The following SLC44A5 variants were observed in gnomAD, a reference collection of about 807,000 sequenced individuals.
SLC44A5 encodes the protein solute carrier family 44 member 5.
In SLC44A5, 57 loss-of-function variants were observed where a neutral mutation model predicts 101.8. The ratio of observed to expected loss-of-function variants is 0.56; its 90% CI spans 0.45 to 0.70. The LOEUF is 0.70. Ranked by LOEUF, SLC44A5 falls within the 30% of genes least tolerant of loss-of-function variation. SLC44A5 has a pLI of 0.00. For synonymous variants in SLC44A5, 281 were observed against 290.9 expected (o/e 0.97, Z 0.35); for missense variants, 737 against 853.1 (o/e 0.86, Z 1.70).
intron 2 of SLC44A5, among the ~76,000 whole-genome samples, chr1:75,530,771 C>T (rs183426467): frequency 9.9e-5 from 15 of 152,218 alleles, no homozygotes; most frequent in African/African-American, 3.1e-4. Context: ...CCAAAACCAG[C>T]AACTAATTCT....
chr1:75,347,461 T>C (rs17096785), intron 3 of SLC44A5, among the ~76,000 whole-genome samples: 5,173 of 152,256 alleles, frequency 0.034, 276 homozygotes, highest in African/African-American at 0.11. Context: ...CTGTATCACA[T>C]GGATGCTTCT....
the SLC44A5 span, among the ~76,000 whole-genome samples, chr1:75,656,618 A>G: frequency 2.6e-5 from 4 of 152,160 alleles, no homozygotes; most frequent in Non-Finnish European, 5.9e-5. Flanking sequence ...TCTAATAACT[A>G]TAAGATTTTT....
intron 2 of SLC44A5, among the ~76,000 whole-genome samples, chr1:75,460,163 G>A (rs1557807309): frequency 6.6e-6 from 1 of 152,160 alleles, no homozygotes. Context: ...GAGCTCTGCT[G>A]TAGGAGCTCT....
intron 5 of SLC44A5, among the ~76,000 whole-genome samples, chr1:75,279,054 C>G (rs1570551787): frequency 1.3e-5 from 2 of 151,990 alleles, no homozygotes; most frequent in East Asian, 3.9e-4. Flanking sequence ...GTGTTGGGAA[C>G]ACTACAATTC....
chr1:75,306,541 C>T (rs1167853160), intron 4 of SLC44A5, among the ~76,000 whole-genome samples: 1 of 151,442 alleles, frequency 6.6e-6, no homozygotes, highest in Non-Finnish European at 1.5e-5. Context: ...TAAAATAAAT[C>T]ACTAAAAAAC....
intron 2 of SLC44A5, among the ~76,000 whole-genome samples, chr1:75,475,969 G>A (rs895397507): frequency 6.6e-6 from 1 of 152,200 alleles, no homozygotes; most frequent in African/African-American, 2.4e-5. Context: ...CGGATCATGA[G>A]GTCAGGAGTT....
At chr1:75,669,144 T>G in the SLC44A5 span, among the ~76,000 whole-genome samples, 1 of 151,680 alleles carries the variant, frequency 6.6e-6, no homozygotes, top group Admixed American at 6.6e-5. Context: ...TTTTTTCTTT[T>G]CTTTGTACCC....
At chr1:75,217,784 T>C in intron 18 of SLC44A5, 82 bp downstream of exon 18, 1 of 884,530 alleles carries the variant, frequency 1.1e-6, no homozygotes, top group South Asian at 1.4e-5. Flanking sequence ...ACTACCCTAG[T>C]CCAAGTTATA....
At chr1:75,452,631 T>C (rs887941723) in intron 2 of SLC44A5, among the ~76,000 whole-genome samples, 1 of 152,134 alleles carries the variant, frequency 6.6e-6, no homozygotes, top group Non-Finnish European at 1.5e-5. Context: ...ACCAGACACA[T>C]CTGTCTATTA....
chr1:75,214,743 C>G lies in SLC44A5; in HGVS notation c.1729-65G>C, dbSNP rs934917562. On this transcript the variant is annotated intron_variant, in intron 19 of 23. Coordinates refer to ENST00000370859, the MANE Select transcript of SLC44A5 (RefSeq NM_001130058.2). ...TACTCTAACAAGATCAAAAGACAAT[C>G]CAATGACAGGAAGGTAACCAAATTA... 2.2e-6 allele frequency: 3 copies of G among 1,337,918 alleles called. No individual in the cohort carries two copies. The African/African-American group carries it at 4.4e-5, about 19-fold the overall frequency. 82.9% of individuals were successfully genotyped at this position (1,337,918 alleles called of 1,614,324 possible).
At chr1:75,366,245 T>C (rs1659848715) in intron 3 of SLC44A5, among the ~76,000 whole-genome samples, 1 of 152,210 alleles carries the variant, frequency 6.6e-6, no homozygotes, top group Non-Finnish European at 1.5e-5. Flanking sequence ...CCTCAGCTTT[T>C]GTTTGTTTGA....
chr1:75,677,553 G>A, the SLC44A5 span, among the ~76,000 whole-genome samples: 1 of 151,970 alleles, frequency 6.6e-6, no homozygotes, highest in Admixed American at 6.6e-5. Flanking sequence ...AAGGAAGACA[G>A]AAAGGAAAGG....
intron 3 of SLC44A5, among the ~76,000 whole-genome samples, chr1:75,385,304 C>T (rs1474186249): frequency 1.4e-5 from 2 of 147,668 alleles, no homozygotes; most frequent in Non-Finnish European, 3.0e-5. Context: ...AATTGATAGA[C>T]CGCTAGCAAG....
At chr1:75,463,004 C>T (rs1048658466) in intron 2 of SLC44A5, among the ~76,000 whole-genome samples, 1 of 152,054 alleles carries the variant, frequency 6.6e-6, no homozygotes, top group African/African-American at 2.4e-5. Context: ...GAGAACTTCC[C>T]AAACCTGGAG....
intron 15 of SLC44A5, among the ~76,000 whole-genome samples, 174 bp from the exon 16 acceptor site, chr1:75,219,518 A>G (rs1252012331): frequency 6.6e-6 from 1 of 152,162 alleles, no homozygotes; most frequent in Non-Finnish European, 1.5e-5. Context: ...GGCCAGCTGC[A>G]CTGAGTGGCC....
At chr1:75,311,407 G>T (rs544860270) in intron 4 of SLC44A5, among the ~76,000 whole-genome samples, 1 of 152,244 alleles carries the variant, frequency 6.6e-6, no homozygotes, top group South Asian at 2.1e-4. Context: ...GTGAGCCACC[G>T]CATCCAGCCC....
intron 6 of SLC44A5, among the ~76,000 whole-genome samples, chr1:75,267,081 A>C (rs1231218565): frequency 6.6e-6 from 1 of 152,170 alleles, no homozygotes; most frequent in Non-Finnish European, 1.5e-5. Flanking sequence ...TGAAGAAGAA[A>C]TCTGTGCCTT....
intron 7 of SLC44A5, among the ~76,000 whole-genome samples, chr1:75,245,384 A>T (rs1265393103): frequency 2.0e-5 from 3 of 152,144 alleles, no homozygotes; most frequent in Non-Finnish European, 4.4e-5. Flanking sequence ...GAAGGTTAAG[A>T]TGATTATCAA....
intron 5 of SLC44A5, among the ~76,000 whole-genome samples, chr1:75,276,384 G>A (rs1243308821): frequency 3.3e-5 from 5 of 152,158 alleles, no homozygotes; most frequent in Non-Finnish European, 7.4e-5. Flanking sequence ...CTAAATCTAA[G>A]AAAGAGCTTT....
Sources: allele counts gnomAD v4.1 joint callset (sites outside exome capture counted in the v4.1 genomes callset), GRCh38; gene constraint gnomAD v4.1.1; transcripts MANE v1.5; gene names NCBI Gene and HGNC (gene_info 2026-07-23, HGNC 2026-07-21).